Variants in KLC4 observed in about 807,000 individuals in gnomAD.
KLC4 encodes kinesin-like protein 8.
A neutral mutation model predicts 77.2 loss-of-function variants in KLC4; 49 were observed. That is an observed-to-expected ratio of 0.63 (90% CI 0.50 to 0.80). The LOEUF is 0.80. Ranked by LOEUF, KLC4 falls within the 30% of genes least tolerant of loss-of-function variation. The pLI is 0.00. For missense variants in KLC4, 669 were observed against 793.5 expected (o/e 0.84, Z 1.89); for synonymous variants, 274 against 314.5 (o/e 0.87, Z 1.36).
Position 43,070,797 on chromosome 6 carries a change from G to C in KLC4, c.1087G>C (p.Ala363Pro), listed in dbSNP as rs754560631. The C allele has an allele frequency of 7.4e-5, 119 of 1,613,896 alleles. No individual in the cohort carries two copies. Among genetic ancestry groups the C allele is most frequent in the Non-Finnish European group, 9.8e-5 (116 of 1,179,986 alleles). ...YEAVERYYQR[A>P]LAIYEGQLGP... ...GGCCGTGGAACGCTACTACCAGCGA[G>C]CACTGGCCATCTACGAGGGGCAGCT... Residue 363 changes from alanine to proline, a missense_variant, in exon 8 of 16, where the codon GCA becomes CCA. By Grantham distance (27) the Ala-to-Pro change is conservative (BLOSUM62 -1). Coordinates refer to ENST00000347162, the MANE Select transcript of KLC4 (RefSeq NM_201521.3).
intron 12 of KLC4, 194 bp from the exon 13 acceptor site, chr6:43,072,630 A>C (rs13199873): frequency 0.61 from 362,442 of 597,490 alleles, 114,000 homozygotes; most frequent in African/African-American, 0.9. Context: ...GGCCATGGGG[A>C]TAAAAATATA....
Position 43,066,458 on chromosome 6 carries a change from G to T in KLC4, c.724G>T (p.Glu242Ter). ...PLCKQALEDL[E>*]RTSGRGHPDV... ...CTGTAAGCAGGCACTAGAGGACCTG[G>T]AGCGCACATCAGGCCGTGGCCACCC... Residue 242 changes from glutamate to a stop codon, truncating the protein, a stop_gained, in exon 5 of 16, where the codon GAG becomes TAG. Coordinates refer to ENST00000347162, the MANE Select transcript of KLC4 (RefSeq NM_201521.3). LOFTEE classifies it high-confidence loss of function. 6.2e-6 allele frequency: 10 copies of T among 1,614,118 alleles called. No individual in the cohort carries two copies. The highest frequency in any genetic ancestry group is 8.5e-6 in the Non-Finnish European group (10 of 1,180,024).
chr6:43,072,034 T>C, intron 11 of KLC4, 112 bp downstream of exon 11: 2 of 1,381,424 alleles, frequency 1.4e-6, no homozygotes, highest in Admixed American at 3.5e-5. Context: ...CAGCTTTAGC[T>C]CTGTTCCCTC....
intron 4 of KLC4, 110 bp downstream of exon 4, chr6:43,065,811 TTTCTCTGG>T: frequency 1.4e-6 from 1 of 731,136 alleles, no homozygotes; most frequent in Non-Finnish European, 2.3e-6. Context: ...GGTTCTCCAC[TTTCTCTGG>T]AGACAGGGCA....
At chr6:43,060,638 C>T (rs1765096963) in intron 1 of KLC4, 15 of 1,105,170 alleles carry the variant, frequency 1.4e-5, no homozygotes, top group East Asian at 7.9e-5. Context: ...AAACAAGACC[C>T]CTCTGAGGAA....
At chr6:43,071,454 G>A (rs962323028) in intron 9 of KLC4, 80 bp downstream of exon 9, 6 of 1,541,254 alleles carry the variant, frequency 3.9e-6, no homozygotes, top group Non-Finnish European at 5.4e-6. Flanking sequence ...GGCCACAGCG[G>A]TTCCCAGGGG....
rs185737899 is a variant in KLC4 at position 43,066,549 on chromosome 6, C to T, written c.791+24C>T. On this transcript the variant is annotated intron_variant, in intron 5 of 15. Coordinates refer to ENST00000347162, the MANE Select transcript of KLC4 (RefSeq NM_201521.3). The stretch of plus-strand genomic sequence containing the variant: ...CGGTGAGGACTTCCCTCCTCCAGTG[C>T]CCAGATCTTCCCCCACATTCCCACC... The T allele has an allele frequency of 2.2e-4, 351 of 1,579,014 alleles. 1 individual carries two copies. Among genetic ancestry groups the T allele is most frequent in the Non-Finnish European group, 6.8e-5 (78 of 1,150,872 alleles).
rs374470236 is a variant in KLC4 at position 43,071,645 on chromosome 6, C to T, written c.1308+26C>T. The T allele has an allele frequency of 8.7e-6, 14 of 1,610,186 alleles. No homozygotes were observed. The Middle Eastern group carries it at 5.2e-4, about 60-fold the overall frequency. Reference sequence around the variant, plus strand: ...GTGAGTGGGGGGAAGGGGGGCCAGCCTGGGGAGCTCAAGGCTACCGGGGTC... The same window carrying T: ...GTGAGTGGGGGGAAGGGGGGCCAGCTTGGGGAGCTCAAGGCTACCGGGGTC... On this transcript the variant is annotated intron_variant, in intron 10 of 15. Coordinates refer to ENST00000347162, the MANE Select transcript of KLC4 (RefSeq NM_201521.3).
chr6:43,059,910 G>T, intron 1 of KLC4: 3 of 1,253,968 alleles, frequency 2.4e-6, no homozygotes, highest in South Asian at 3.8e-5. Context: ...CCTCGGGGTC[G>T]TTAGGCCTCC....
rs527409138 is a variant in KLC4, at chr6:43,068,172, G to A, written c.879+1089G>A. 1.5e-3 allele frequency among the ~76,000 whole-genome samples: 200 copies of A among 137,486 alleles called. 4 individuals are homozygous for A. The highest frequency in any genetic ancestry group is 4.9e-3 in the African/African-American group (190 of 38,416). The allele number at this position is 137,486 out of a possible 152,430, so 90.2% of individuals were successfully genotyped here. A position where few individuals can be genotyped will look rare whatever the true frequency, so the allele number is the denominator to read the frequency against. On this transcript the variant is annotated intron_variant, in intron 6 of 15. Coordinates refer to ENST00000347162, the MANE Select transcript of KLC4 (RefSeq NM_201521.3). ...TAGGTGGACACTTTATTAAAGTACA[G>A]TATTATAAGAAATCACAAGGGTCGG...
At chr6:43,072,680 G>C in intron 12 of KLC4, 144 bp from the exon 13 acceptor site, 1 of 707,010 alleles carries the variant, frequency 1.4e-6, no homozygotes. Flanking sequence ...AATAGAAAAG[G>C]TAAGTATTAT....
intron 6 of KLC4, 102 bp downstream of exon 6, chr6:43,067,185 A>C (rs1242356616): frequency 6.6e-7 from 1 of 1,515,444 alleles, no homozygotes; most frequent in Non-Finnish European, 8.9e-7. Flanking sequence ...TCCACTCACT[A>C]AGGGTGCTGA....
At chr6:43,067,955 A>AT (rs1181661659) in intron 6 of KLC4, among the ~76,000 whole-genome samples, 1 of 111,692 alleles carries the variant, frequency 9.0e-6, no homozygotes, top group Non-Finnish European at 1.7e-5. Context: ...TACTAAAAAT[A>AT]CAAAAAATTA....
In KLC4 at chr6:43,072,240, G is replaced by GCGGT. The variant is rs1765770346; in HGVS notation, c.1475_1478dup (p.Arg494ValfsTer7). ...CTGAGACCCTGGAGGAATGTGCCCT[G>GCGGT]CGGTCCCGGAGACAGGTCAGAAGCC... On this transcript the variant is annotated frameshift_variant, in exon 12 of 16. Transcript: ENST00000347162. LOFTEE classifies it high-confidence loss of function. 6.2e-7 allele frequency: 1 copy of GCGGT among 1,613,952 alleles called. No homozygotes were observed. Among genetic ancestry groups the GCGGT allele is most frequent in the South Asian group, 1.1e-5 (1 of 91,070 alleles).
chr6:43,060,482 A>C, intron 1 of KLC4: 1 of 1,363,490 alleles, frequency 7.3e-7, no homozygotes, highest in South Asian at 1.5e-5. Flanking sequence ...TGGTGAAAGA[A>C]GGGGTGGGAA....
chr6:43,063,800 C>T (rs1049302375), intron 3 of KLC4, among the ~76,000 whole-genome samples: 20 of 151,550 alleles, frequency 1.3e-4, no homozygotes, highest in African/African-American at 4.4e-4. Flanking sequence ...GTGGTCTGCC[C>T]GCCTGGGCCT....
At chr6:43,073,734 C>A in intron 14 of KLC4, 168 bp from the exon 15 acceptor site, 1 of 636,178 alleles carries the variant, frequency 1.6e-6, no homozygotes, top group Admixed American at 2.8e-5. Flanking sequence ...CTCCTGATCT[C>A]TGGAGAAGTA....
At position 43,074,737 on chromosome 6, in the gene KLC4, T is replaced by G; in HGVS notation, c.*65T>G. Reference sequence around the variant, plus strand: ...CCCACAGCCCTCACAGCATTCCCCATTGCTCCTGGCTCTTCCCCACCCCTA... The same window carrying G: ...CCCACAGCCCTCACAGCATTCCCCAGTGCTCCTGGCTCTTCCCCACCCCTA... On this transcript the variant is annotated 3_prime_UTR_variant, in exon 16 of 16. Transcript: ENST00000347162. 7.4e-7 allele frequency: 1 copy of G among 1,356,702 alleles called. No homozygotes were observed. Among genetic ancestry groups the G allele is most frequent in the Non-Finnish European group, 1.1e-6 (1 of 945,196 alleles). The allele number at this position is 1,356,702 out of a possible 1,614,324, so 84.0% of individuals were successfully genotyped here. A position where few individuals can be genotyped will look rare whatever the true frequency, so the allele number is the denominator to read the frequency against.
chr6:43,060,243 T>TC, intron 1 of KLC4: 1 of 1,614,120 alleles, frequency 6.2e-7, no homozygotes. Flanking sequence ...GACCAGGTGT[T>TC]CCTCCCTCCC....
Sources: allele counts gnomAD v4.1 joint callset (sites outside exome capture counted in the v4.1 genomes callset), GRCh38; gene constraint gnomAD v4.1.1; transcripts MANE v1.5; gene names NCBI Gene and HGNC (gene_info 2026-07-23, HGNC 2026-07-21).